The following MTREX variants were observed in gnomAD, a reference collection of about 807,000 sequenced individuals.
MTREX encodes Mtr4 exosome RNA helicase, also known as exosome RNA helicase MTR4.
Under a neutral mutation model 135.4 loss-of-function variants are expected in MTREX, and 76 were observed. The ratio of observed to expected loss-of-function variants is 0.56; its 90% CI spans 0.47 to 0.68. The LOEUF is 0.68. MTREX is among the 30% of genes least tolerant of loss of function. The pLI is 0.00. For synonymous variants in MTREX, 404 were observed against 401.6 expected (o/e 1.01, Z -0.07); for missense variants, 920 against 1,262.1 (o/e 0.73, Z 4.11).
At chr5:55,373,029 A>G (rs1750231579) in intron 16 of MTREX, among the ~76,000 whole-genome samples, 1 of 151,392 alleles carries the variant, frequency 6.6e-6, no homozygotes, top group Non-Finnish European at 1.5e-5. Context: ...GGCCTTAGAA[A>G]TAGGCCTTAG....
chr5:55,308,383 G>T (rs1305478654), intron 1 of MTREX, among the ~76,000 whole-genome samples: 1 of 151,930 alleles, frequency 6.6e-6, no homozygotes, highest in Non-Finnish European at 1.5e-5. Flanking sequence ...CCCTTACGTC[G>T]ATGTTACTGA....
At chr5:55,343,266 A>C (rs1749679699) in intron 7 of MTREX, 65 bp from the exon 8 acceptor site, 1 of 1,348,688 alleles carries the variant, frequency 7.4e-7, no homozygotes, top group Admixed American at 2.3e-5. Context: ...ATATAATTTT[A>C]GATATTATCA....
chr5:55,366,081 G>C (rs921821355), intron 15 of MTREX, among the ~76,000 whole-genome samples: 1 of 151,730 alleles, frequency 6.6e-6, no homozygotes, highest in Non-Finnish European at 1.5e-5. Context: ...TGTGAGTTTA[G>C]GTTGCATTAT....
intron 25 of MTREX, among the ~76,000 whole-genome samples, chr5:55,417,443 A>G (rs1368970671): frequency 6.6e-6 from 1 of 152,198 alleles, no homozygotes; most frequent in East Asian, 1.9e-4. Flanking sequence ...TAAGCACCAT[A>G]CCACCTTATC....
chr5:55,365,068 G>C (rs1373317637), intron 15 of MTREX, among the ~76,000 whole-genome samples: 6 of 152,182 alleles, frequency 3.9e-5, no homozygotes, highest in Non-Finnish European at 8.8e-5. Context: ...TTGAGTTTCA[G>C]GTGACTGAGA....
intron 25 of MTREX, among the ~76,000 whole-genome samples, chr5:55,420,840 A>G (rs1751043537): frequency 2.8e-5 from 1 of 35,812 alleles, no homozygotes; most frequent in South Asian, 1.4e-3. Context: ...ACTTATTTAA[A>G]ATAATTTATG....
At position 55,400,325 on chromosome 5, in the gene MTREX, G is replaced by A; in HGVS notation, c.2385G>A (p.Gln795=). ...ATCAAGGGCTGAAAAAAGTCATTCA[G>A]AAAGTAGAAGCTTTTGAGCATCGAA... is the stretch of plus-strand genomic sequence containing the variant. ...IQDQGLKKVI[Q]KVEAFEHRMY... Residue 795 remains glutamine (Q), a synonymous_variant, in exon 21 of 27, where the codon CAG becomes CAA. Coordinates refer to ENST00000230640, the MANE Select transcript of MTREX (RefSeq NM_015360.5). 1 of 1,613,374 alleles carries A rather than the reference G, an allele frequency of 6.2e-7. No homozygotes were observed. The highest frequency in any genetic ancestry group is 1.1e-5 in the South Asian group (1 of 91,004).
intron 21 of MTREX, among the ~76,000 whole-genome samples, chr5:55,404,810 C>T (rs199619568): frequency 0.21 from 26,910 of 130,730 alleles, 2,660 homozygotes; most frequent in Admixed American, 0.21. Flanking sequence ...TTTTTTTTTT[C>T]TTTTTTTTTT....
At chr5:55,390,132 C>T (rs1389623595) in intron 19 of MTREX, among the ~76,000 whole-genome samples, 1 of 151,872 alleles carries the variant, frequency 6.6e-6, no homozygotes, top group Non-Finnish European at 1.5e-5. Flanking sequence ...GAGATGGAGT[C>T]TCGCTCTGTC....
chr5:55,327,478 C>A, intron 3 of MTREX: 1 of 414,642 alleles, frequency 2.4e-6, no homozygotes, highest in Non-Finnish European at 4.4e-6. Flanking sequence ...AGATAAACAT[C>A]AGCTTTCAAT....
intron 15 of MTREX, 59 bp downstream of exon 15, chr5:55,358,757 CAT>C: frequency 7.0e-7 from 1 of 1,424,866 alleles, no homozygotes. Flanking sequence ...CTTCAGGAGC[CAT>C]TTCAGAATTG....
rs773080400 is a variant in MTREX, at chr5:55,378,305, T to C, written c.1811-9T>C. 1 of 1,575,508 alleles carries C rather than the reference T, an allele frequency of 6.3e-7. No individual in the cohort carries two copies. Among genetic ancestry groups the C allele is most frequent in the South Asian group, 1.2e-5 (1 of 83,368 alleles). On this transcript the variant is annotated splice_polypyrimidine_tract_variant and intron_variant, in intron 16 of 26. Transcript: ENST00000230640. Reference sequence around the variant, plus strand: ...ACCTTTTAATTTTGTACATGTGTTCTATTTACAGAGGTAAAGAATTCAGAA... The same window carrying C: ...ACCTTTTAATTTTGTACATGTGTTCCATTTACAGAGGTAAAGAATTCAGAA...
At chr5:55,402,464 T>C (rs1750736661) in intron 21 of MTREX, among the ~76,000 whole-genome samples, 1 of 152,186 alleles carries the variant, frequency 6.6e-6, no homozygotes, top group Non-Finnish European at 1.5e-5. Flanking sequence ...TTGGAAAGCA[T>C]CCTTGGAGGT....
intron 16 of MTREX, among the ~76,000 whole-genome samples, chr5:55,375,197 G>A (rs1054155235): frequency 6.6e-6 from 1 of 152,200 alleles, no homozygotes; most frequent in Non-Finnish European, 1.5e-5. Context: ...CACTGTCATT[G>A]ATAACATCTT....
At chr5:55,310,349 G>A (rs746473147) in intron 1 of MTREX, among the ~76,000 whole-genome samples, 11 of 152,268 alleles carry the variant, frequency 7.2e-5, no homozygotes, top group Middle Eastern at 3.4e-3. Flanking sequence ...GGTGGCTCAC[G>A]CCTCTAATCC....
intron 18 of MTREX, among the ~76,000 whole-genome samples, chr5:55,381,914 T>C (rs1750401917): frequency 6.6e-6 from 1 of 152,228 alleles, no homozygotes; most frequent in Non-Finnish European, 1.5e-5. Flanking sequence ...TTTTGCTTCA[T>C]GTGTTTTCAA....
At chr5:55,373,346 A>G (rs1579877333) in intron 16 of MTREX, among the ~76,000 whole-genome samples, 1 of 151,714 alleles carries the variant, frequency 6.6e-6, no homozygotes, top group African/African-American at 2.4e-5. Flanking sequence ...TTAATTATAT[A>G]TAGTTGTGAA....
At chr5:55,308,208 C>T (rs1036648369) in intron 1 of MTREX, 61 bp downstream of exon 1, 1 of 1,515,620 alleles carries the variant, frequency 6.6e-7, no homozygotes, top group Non-Finnish European at 8.8e-7. Context: ...GAAGAAAACA[C>T]TACTCTCTTA....
At chr5:55,371,817 T>G (rs2112091477) in intron 16 of MTREX, among the ~76,000 whole-genome samples, 1 of 152,250 alleles carries the variant, frequency 6.6e-6, no homozygotes, top group Admixed American at 6.5e-5. Flanking sequence ...GAAAAAAGAC[T>G]GTACCTAAAG....
Sources: allele counts gnomAD v4.1 joint callset (sites outside exome capture counted in the v4.1 genomes callset), GRCh38; gene constraint gnomAD v4.1.1; transcripts MANE v1.5; gene names NCBI Gene and HGNC (gene_info 2026-07-23, HGNC 2026-07-21).